KLF3: variants seen among roughly 807,000 people sequenced by gnomAD.
KLF3 encodes the protein Krueppel-like factor 3.
Under a neutral mutation model 32.7 loss-of-function variants are expected in KLF3, and 6 were observed. That is an observed-to-expected ratio of 0.18 (90% CI 0.10 to 0.36). The LOEUF (loss-of-function observed/expected upper bound fraction) is 0.36. KLF3 is among the 10% of genes least tolerant of loss of function. The probability of loss-of-function intolerance (pLI) is 1.00; values close to 1 mark genes in which losing one functional copy is unlikely to be tolerated. For synonymous variants in KLF3, 145 were observed against 172.8 expected, an observed-to-expected ratio of 0.84 and a Z score of 1.26; for missense variants, 338 against 449.7, an observed-to-expected ratio of 0.75 and a Z score of 2.25.
intron 4 of KLF3, among the ~76,000 whole-genome samples, chr4:38,694,389 C>T (rs979858650): frequency 6.6e-6 from 1 of 152,160 alleles, no homozygotes; most frequent in Non-Finnish European, 1.5e-5. Context: ...GGAAAAGAGC[C>T]TCCCCAGCAC....
chr4:38,682,901 A>C lies in KLF3; in HGVS notation c.57+2219A>C, dbSNP rs560059505. On this transcript the variant is annotated intron_variant, in intron 2 of 5. Transcript: ENST00000261438. The stretch of plus-strand genomic sequence containing the variant: ...CAAAAGTTACTGTCAGTCCTTTAAA[A>C]TGAAGGTGTTTTTTTTTCTTTTTCT... Among the ~76,000 whole-genome samples, 7 of 151,960 alleles carry C rather than the reference A, an allele frequency of 4.6e-5. No homozygotes were observed. In the South Asian group the frequency reaches 1.5e-3, roughly 32 times the overall value.
At chr4:38,693,279 G>A (rs1722940047) in intron 4 of KLF3, among the ~76,000 whole-genome samples, 1 of 150,764 alleles carries the variant, frequency 6.6e-6, no homozygotes, top group African/African-American at 2.4e-5. Flanking sequence ...AGAGTAGGAA[G>A]GTGAGAGTCA....
intron 1 of KLF3, among the ~76,000 whole-genome samples, chr4:38,668,650 T>A (rs1432882996): frequency 6.6e-6 from 1 of 152,224 alleles, no homozygotes; most frequent in Non-Finnish European, 1.5e-5. Context: ...AAGAGACTTT[T>A]AAGCTTAAAA....
intron 1 of KLF3, among the ~76,000 whole-genome samples, chr4:38,665,445 GCA>G (rs1269173062): frequency 1.3e-5 from 2 of 152,156 alleles, no homozygotes; most frequent in Admixed American, 1.3e-4. Flanking sequence ...ACAAGGAGAA[GCA>G]CTTTTCTGGT....
chr4:38,673,514 T>A (rs1042588360), intron 1 of KLF3, among the ~76,000 whole-genome samples: 7 of 152,244 alleles, frequency 4.6e-5, no homozygotes, highest in South Asian at 4.1e-4. Context: ...TATCTTGGGT[T>A]GCCTGCCCTT....
chr4:38,675,937 A>G (rs1363593354), intron 1 of KLF3, among the ~76,000 whole-genome samples: 1 of 152,172 alleles, frequency 6.6e-6, no homozygotes, highest in African/African-American at 2.4e-5. Context: ...TCACTCTTTT[A>G]TGATTGTAGA....
chr4:38,672,442 A>G (rs1722225641), intron 1 of KLF3, among the ~76,000 whole-genome samples: 1 of 152,138 alleles, frequency 6.6e-6, no homozygotes. Context: ...TGGATCCCCC[A>G]GGGAGCAATC....
At chr4:38,685,389 G>A (rs774286342) in intron 2 of KLF3, among the ~76,000 whole-genome samples, 1 of 152,120 alleles carries the variant, frequency 6.6e-6, no homozygotes, top group Non-Finnish European at 1.5e-5. Flanking sequence ...TACAATAATC[G>A]CACATCCAAT....
chr4:38,686,883 C>A (rs936497325), intron 2 of KLF3, among the ~76,000 whole-genome samples: 1 of 152,224 alleles, frequency 6.6e-6, no homozygotes, highest in Non-Finnish European at 1.5e-5. Context: ...GGAGCAGGGA[C>A]TGGGCATCTG....
chr4:38,697,329 A>T lies in KLF3; in HGVS notation c.*66A>T. The T allele has an allele frequency of 7.4e-7, 1 of 1,342,328 alleles. No individual in the cohort carries two copies. Among genetic ancestry groups the T allele is most frequent in the Non-Finnish European group, 1.0e-6 (1 of 978,086 alleles). The allele number at this position is 1,342,328 out of a possible 1,614,324, so 83.2% of individuals were successfully genotyped here. ...TGGCTCTCTCTCTGTCCTGCCTCCC[A>T]TTATCTAACACATTTTTTACATGTA... On this transcript the variant is annotated 3_prime_UTR_variant, in exon 6 of 6. Coordinates refer to ENST00000261438, the MANE Select transcript of KLF3 (RefSeq NM_016531.6).
chr4:38,665,740 A>G (rs986449331), intron 1 of KLF3, among the ~76,000 whole-genome samples: 7 of 152,216 alleles, frequency 4.6e-5, no homozygotes, highest in Non-Finnish European at 1.0e-4. Flanking sequence ...AGCAAAATCA[A>G]GTGGGGAATA....
chr4:38,687,868 C>T (rs1196113976), intron 2 of KLF3, among the ~76,000 whole-genome samples: 1 of 152,168 alleles, frequency 6.6e-6, no homozygotes, highest in Non-Finnish European at 1.5e-5. Flanking sequence ...GACTGACCCC[C>T]TCCTGGTTTG....
intron 2 of KLF3, among the ~76,000 whole-genome samples, chr4:38,681,779 A>T (rs540103350): frequency 1.3e-5 from 2 of 152,290 alleles, no homozygotes; most frequent in East Asian, 1.9e-4. Context: ...TGTGTATCTG[A>T]AGGTTGGTAA....
At chr4:38,695,499 T>G (rs1723023083) in intron 5 of KLF3, among the ~76,000 whole-genome samples, 1 of 152,192 alleles carries the variant, frequency 6.6e-6, no homozygotes, top group South Asian at 2.1e-4. Flanking sequence ...ATAAAAGTCA[T>G]TACATGGCCG....
At chr4:38,685,837 C>G (rs1271900219) in intron 2 of KLF3, among the ~76,000 whole-genome samples, 1 of 152,170 alleles carries the variant, frequency 6.6e-6, no homozygotes, top group African/African-American at 2.4e-5. Context: ...CGAAATCATT[C>G]TCCTTCCTAT....
intron 4 of KLF3, among the ~76,000 whole-genome samples, chr4:38,691,626 T>C (rs962660060): frequency 9.2e-5 from 14 of 152,244 alleles, no homozygotes; most frequent in African/African-American, 3.4e-4. Context: ...AGAAAATACT[T>C]TTATTTTAAG....
In KLF3 at chr4:38,698,729, G is replaced by A. The variant is rs1723120756; in HGVS notation, c.*1466G>A. The A allele has an allele frequency of 1.3e-5, 2 of 152,284 alleles. No homozygotes were observed. The highest frequency in any genetic ancestry group is 6.5e-5 in the Admixed American group (1 of 15,294). The allele number at this position is 152,284 out of a possible 1,614,324, so 9.4% of individuals were successfully genotyped here. ...ATTGGGGGAAGTTATTCAAAAGCAGGCTTTTGAGCACCATAGTCTAAATGC... is the reference window on the plus strand; with the variant it reads ...ATTGGGGGAAGTTATTCAAAAGCAGACTTTTGAGCACCATAGTCTAAATGC... On this transcript the variant is annotated 3_prime_UTR_variant, in exon 6 of 6. Coordinates refer to ENST00000261438, the MANE Select transcript of KLF3 (RefSeq NM_016531.6).
At chr4:38,692,322 C>A (rs927907431) in intron 4 of KLF3, among the ~76,000 whole-genome samples, 3 of 152,148 alleles carry the variant, frequency 2.0e-5, no homozygotes, top group African/African-American at 7.2e-5. Flanking sequence ...TTGGCCTGAA[C>A]CAACATCAGC....
At chr4:38,690,281 G>C (rs572714084) in intron 4 of KLF3, 2 of 174,740 alleles carry the variant, frequency 1.1e-5, no homozygotes, top group South Asian at 1.5e-4. Flanking sequence ...TCCTTACAGA[G>C]TGTATAGTAT....
Sources: allele counts gnomAD v4.1 joint callset (sites outside exome capture counted in the v4.1 genomes callset), GRCh38; gene constraint gnomAD v4.1.1; transcripts MANE v1.5; gene names NCBI Gene and HGNC (gene_info 2026-07-23, HGNC 2026-07-21).